Variants in MYZAP observed in about 807,000 individuals in gnomAD.
MYZAP encodes GRINL1A complex locus upstream.
In MYZAP, 66 loss-of-function variants were observed where a neutral mutation model predicts 69.4. The ratio of observed to expected loss-of-function variants is 0.95; its 90% CI spans 0.78 to 1.17. The LOEUF (loss-of-function observed/expected upper bound fraction) is 1.17. Among genes scored for constraint, MYZAP ranks in the 50% most tolerant of loss-of-function variants. MYZAP has a pLI of 0.00. For missense variants in MYZAP, 611 were observed against 556.2 expected, an observed-to-expected ratio of 1.10 and a Z score of -0.99; for synonymous variants, 256 against 205.9, an observed-to-expected ratio of 1.24 and a Z score of -2.09.
chr15:57,639,562 G>C lies in MYZAP; in HGVS notation c.1119+17G>C. ...GTCGAGGAGGTAAGCATCTGCAAAA[G>C]GTCACAGGCCTGGGATTGCTTCCTG... On this transcript the variant is annotated intron_variant, in intron 10 of 12. Transcript: ENST00000267853. The C allele has an allele frequency of 6.2e-7, 1 of 1,610,794 alleles. No homozygotes were observed. The highest frequency in any genetic ancestry group is 8.5e-7 in the Non-Finnish European group (1 of 1,178,576).
intron 12 of MYZAP, among the ~76,000 whole-genome samples, chr15:57,678,139 A>T (rs191976156): frequency 6.6e-6 from 1 of 151,994 alleles, no homozygotes; most frequent in Admixed American, 6.5e-5. Flanking sequence ...AAGGCAGTGG[A>T]TTGCCTGAGC....
chr15:57,637,641 T>A (rs1266407127), intron 8 of MYZAP, 54 bp from the exon 9 acceptor site: 1 of 1,582,754 alleles, frequency 6.3e-7, no homozygotes, highest in African/African-American at 1.3e-5. Flanking sequence ...AAATAGACAT[T>A]CTCTGTCAAA....
Position 57,646,114 on chromosome 15 carries a change from C to T in MYZAP, c.1119+6569C>T, listed in dbSNP as rs1185171249. 1.1e-5 allele frequency: 14 copies of T among 1,283,778 alleles called. No homozygotes were observed. The East Asian group carries it at 1.7e-4, about 15-fold the overall frequency. The allele number at this position is 1,283,778 out of a possible 1,614,324, so 79.5% of individuals were successfully genotyped here. ...ATAGCACCAAGCCCACAAACCTAAT[C>T]CACTCAATTGAACTGTCTCCAGATC... On this transcript the variant is annotated intron_variant, in intron 10 of 12. Coordinates refer to ENST00000267853, the MANE Select transcript of MYZAP (RefSeq NM_001018100.5).
chr15:57,616,675 G>A (rs1304117746), intron 2 of MYZAP, among the ~76,000 whole-genome samples: 1 of 151,742 alleles, frequency 6.6e-6, no homozygotes, highest in Non-Finnish European at 1.5e-5. Context: ...CCCATGTGGT[G>A]GTATACACTT....
chr15:57,659,203 A>G (rs776881832), intron 10 of MYZAP, among the ~76,000 whole-genome samples: 1 of 152,244 alleles, frequency 6.6e-6, no homozygotes, highest in South Asian at 2.1e-4. Flanking sequence ...GAGACACCTC[A>G]TGTCCTTGTT....
intron 12 of MYZAP, among the ~76,000 whole-genome samples, chr15:57,679,425 G>C (rs1034935166): frequency 6.6e-6 from 1 of 150,970 alleles, no homozygotes; most frequent in Non-Finnish European, 1.5e-5. Flanking sequence ...AGCTCCATGA[G>C]GGCAGGGATT....
At chr15:57,674,925 A>G in intron 11 of MYZAP, 43 bp from the exon 12 acceptor site, 1 of 1,531,036 alleles carries the variant, frequency 6.5e-7, no homozygotes, top group Non-Finnish European at 9.0e-7. Context: ...TTGAGGGGGA[A>G]CATATTTGAC....
chr15:57,610,369 C>T (rs1393160994), intron 2 of MYZAP, among the ~76,000 whole-genome samples: 5 of 152,186 alleles, frequency 3.3e-5, no homozygotes, highest in African/African-American at 7.2e-5. Flanking sequence ...TCGTCCTTGG[C>T]GTGACTGTTT....
chr15:57,678,041 C>CAAAAAAAAAAAAAAAAAAAAAAAAAAAA (rs56102709), intron 12 of MYZAP, among the ~76,000 whole-genome samples: 7 of 116,270 alleles, frequency 6.0e-5, no homozygotes, highest in African/African-American at 2.5e-4. Flanking sequence ...TTATCTCTAC[C>CAAAAAAAAAAAAAAAAAAAAAAAAAAAA]AAAAAAAAAA....
chr15:57,651,662 GTGAA>G (rs2037733575), intron 10 of MYZAP, among the ~76,000 whole-genome samples: 1 of 152,212 alleles, frequency 6.6e-6, no homozygotes, highest in African/African-American at 2.4e-5. Flanking sequence ...TGTGAAGGGA[GTGAA>G]TGAATGATGA....
At chr15:57,648,042 G>A in intron 10 of MYZAP, 1 of 985,198 alleles carries the variant, frequency 1.0e-6, no homozygotes, top group Non-Finnish European at 1.2e-6. Context: ...CTACTCAAAA[G>A]TTTGAGGCAG....
intron 8 of MYZAP, among the ~76,000 whole-genome samples, chr15:57,635,365 C>G (rs1326501331): frequency 6.6e-6 from 1 of 152,148 alleles, no homozygotes; most frequent in Non-Finnish European, 1.5e-5. Flanking sequence ...AATGTCTACC[C>G]TCAGAGTCAG....
intron 10 of MYZAP, among the ~76,000 whole-genome samples, chr15:57,652,611 C>T (rs1250700125): frequency 6.6e-6 from 1 of 152,098 alleles, no homozygotes; most frequent in African/African-American, 2.4e-5. Context: ...AGACACAATT[C>T]CTCTTTTGTT....
chr15:57,628,413 G>A (rs991340980), intron 5 of MYZAP, among the ~76,000 whole-genome samples: 1 of 152,048 alleles, frequency 6.6e-6, no homozygotes, highest in African/African-American at 2.4e-5. Flanking sequence ...GGGGCTACAG[G>A]TACACACAAC....
chr15:57,634,280 G>A lies in MYZAP; in HGVS notation c.933+539G>A, dbSNP rs549334407. Among the ~76,000 whole-genome samples the A allele has an allele frequency of 2.0e-5, 3 of 152,222 alleles. No homozygotes were observed. In the South Asian group the frequency reaches 6.2e-4, roughly 32 times the overall value. ...AGAGGCCAGGAATTAAGTAGGAAGT[G>A]GAGGAAGGGGAGGAAGTGGTGGGAG... On this transcript the variant is annotated intron_variant, in intron 8 of 12. Coordinates refer to ENST00000267853, the MANE Select transcript of MYZAP (RefSeq NM_001018100.5).
At chr15:57,623,732 CAAA>C (rs59442912) in intron 4 of MYZAP, among the ~76,000 whole-genome samples, 1 of 119,822 alleles carries the variant, frequency 8.3e-6, no homozygotes. Flanking sequence ...GACCCTGTTT[CAAA>C]AAAAAAAAAT....
Position 57,604,252 on chromosome 15 carries a change from C to T in MYZAP, c.76-17C>T. 4 of 1,613,782 alleles carry T rather than the reference C, an allele frequency of 2.5e-6. No individual in the cohort carries two copies. The highest frequency in any genetic ancestry group is 1.7e-4 in the Middle Eastern group (1 of 6,030). ...AATGCTGACTCCTAACTGGCCTCTC[C>T]TTTCCCTCTCTTCTAGGCAAATGTT... On this transcript the variant is annotated splice_polypyrimidine_tract_variant and intron_variant, in intron 1 of 12. Transcript: ENST00000267853.
intron 10 of MYZAP, among the ~76,000 whole-genome samples, chr15:57,655,686 A>G (rs2140522854): frequency 6.6e-6 from 1 of 152,336 alleles, no homozygotes; most frequent in South Asian, 2.1e-4. Context: ...CTGTATTCTA[A>G]GAGACTAACA....
At chr15:57,683,450 A>T (rs1325502041) in intron 12 of MYZAP, among the ~76,000 whole-genome samples, 2 of 152,142 alleles carry the variant, frequency 1.3e-5, no homozygotes, top group Non-Finnish European at 2.9e-5. Context: ...GTACATGAAA[A>T]TTTTTTATGT....
Sources: allele counts gnomAD v4.1 joint callset (sites outside exome capture counted in the v4.1 genomes callset), GRCh38; gene constraint gnomAD v4.1.1; transcripts MANE v1.5; gene names NCBI Gene and HGNC (gene_info 2026-07-23, HGNC 2026-07-21).